ZCCHC7: variants seen among roughly 807,000 people sequenced by gnomAD.
ZCCHC7 encodes zinc finger CCHC-type containing 7.
ZCCHC7 carries 35 observed loss-of-function variants against 52.0 expected under a neutral mutation model. The observed-to-expected ratio is 0.67, with a 90% CI of 0.51 to 0.89. ZCCHC7 has a LOEUF of 0.89. ZCCHC7 is among the 40% of genes least tolerant of loss of function. The pLI, the probability that ZCCHC7 is intolerant of heterozygous loss-of-function variation, is 0.00. For missense variants in ZCCHC7, 574 were observed against 649.1 expected (o/e 0.88, Z 1.26); for synonymous variants, 217 against 221.5 (o/e 0.98, Z 0.18).
intron 1 of ZCCHC7, among the ~76,000 whole-genome samples, chr9:37,124,521 G>C (rs1299795792): frequency 6.6e-6 from 1 of 152,108 alleles, no homozygotes; most frequent in Non-Finnish European, 1.5e-5. Flanking sequence ...TTGTTTAGCA[G>C]AGTGCATATA....
chr9:37,298,449 A>T (rs911907094), intron 2 of ZCCHC7, among the ~76,000 whole-genome samples: 9 of 152,202 alleles, frequency 5.9e-5, no homozygotes, highest in Admixed American at 3.9e-4. Flanking sequence ...GCTTGATTAT[A>T]AAAAAATGAA....
intron 2 of ZCCHC7, chr9:37,186,833 C>A: frequency 2.6e-6 from 1 of 384,298 alleles, no homozygotes; most frequent in South Asian, 7.1e-5. Flanking sequence ...GAATTTGTTT[C>A]TGTGTATCTG....
At chr9:37,131,651 GAAAAAGAAA>G (rs1288618373) in intron 2 of ZCCHC7, among the ~76,000 whole-genome samples, 1 of 151,520 alleles carries the variant, frequency 6.6e-6, no homozygotes, top group Admixed American at 6.6e-5. Context: ...GTCTCAAAAA[GAAAAAGAAA>G]AAAAAGAAAA....
chr9:37,151,244 G>A (rs1175800891), intron 2 of ZCCHC7, among the ~76,000 whole-genome samples: 2 of 152,050 alleles, frequency 1.3e-5, no homozygotes, highest in Non-Finnish European at 2.9e-5. Flanking sequence ...GGGATTACAG[G>A]CGTGAGCCAC....
chr9:37,272,535 T>TACTG (rs1454230826), intron 2 of ZCCHC7, among the ~76,000 whole-genome samples: 2 of 149,962 alleles, frequency 1.3e-5, no homozygotes, highest in Non-Finnish European at 3.0e-5. Flanking sequence ...ACCTGGGCAG[T>TACTG]ACTGCTGACG....
intron 2 of ZCCHC7, among the ~76,000 whole-genome samples, chr9:37,276,338 T>G (rs1033946955): frequency 6.6e-6 from 1 of 152,220 alleles, no homozygotes; most frequent in Non-Finnish European, 1.5e-5. Flanking sequence ...GGTGTTTTTT[T>G]GTTTTATTTT....
intron 2 of ZCCHC7, among the ~76,000 whole-genome samples, chr9:37,191,519 G>A (rs1823021412): frequency 6.6e-6 from 1 of 152,088 alleles, no homozygotes; most frequent in East Asian, 1.9e-4. Flanking sequence ...ATGGTGGATA[G>A]GATTTATGTA....
intron 2 of ZCCHC7, among the ~76,000 whole-genome samples, chr9:37,263,514 C>A (rs757695509): frequency 9.2e-5 from 14 of 152,034 alleles, no homozygotes; most frequent in Non-Finnish European, 1.8e-4. Flanking sequence ...TGTAGTAACT[C>A]AGTATAACTC....
chr9:37,159,271 C>T (rs1167351521), intron 2 of ZCCHC7, among the ~76,000 whole-genome samples: 3 of 152,084 alleles, frequency 2.0e-5, no homozygotes, highest in African/African-American at 7.2e-5. Flanking sequence ...GCTGTGACAA[C>T]ATTTTAATCT....
intron 4 of ZCCHC7, 138 bp downstream of exon 4, chr9:37,304,451 AGACCAT>A: frequency 1.0e-6 from 1 of 981,698 alleles, no homozygotes; most frequent in Non-Finnish European, 1.5e-6. Context: ...CAGGAGATTG[AGACCAT>A]CCTAGCTAAC....
At chr9:37,215,678 G>T (rs1256199331) in intron 2 of ZCCHC7, among the ~76,000 whole-genome samples, 1 of 152,122 alleles carries the variant, frequency 6.6e-6, no homozygotes. Context: ...TCATTCTAAT[G>T]TCTTGCTTCT....
chr9:37,303,180 T>C (rs1394085579), intron 3 of ZCCHC7, among the ~76,000 whole-genome samples: 2 of 152,070 alleles, frequency 1.3e-5, no homozygotes, highest in African/African-American at 2.4e-5. Context: ...ATCCCAACAC[T>C]TTGGGAGGCT....
chr9:37,126,688 T>C lies in ZCCHC7; in HGVS notation c.356T>C (p.Leu119Pro). 1 of 1,614,134 alleles carries C rather than the reference T, an allele frequency of 6.2e-7. No homozygotes were observed. Among genetic ancestry groups the C allele is most frequent in the Non-Finnish European group, 8.5e-7 (1 of 1,180,010 alleles). The stretch of plus-strand genomic sequence containing the variant: ...CAAGCACAAGAAAATGCCCATGGTC[T>C]TTCTTCTTCTCTTCAATCTAATGAG... ...RVQAQENAHG[L>P]SSSLQSNELV... The change falls in exon 2 of 9, where the codon CTT becomes CCT. Residue 119 changes from leucine to proline, a missense_variant. This residue lies in a region of ZCCHC7 where 403 missense variants were observed against 461.2 expected (regional missense o/e 0.87). Coordinates refer to ENST00000336755, the MANE Select transcript of ZCCHC7 (RefSeq NM_032226.3).
intron 5 of ZCCHC7, among the ~76,000 whole-genome samples, chr9:37,318,624 TTGAG>T (rs1375999550): frequency 6.6e-6 from 1 of 151,908 alleles, no homozygotes; most frequent in African/African-American, 2.4e-5. Flanking sequence ...AGAAAAAAGT[TTGAG>T]TGGGCCCTGT....
chr9:37,321,284 G>T (rs1440711307), intron 5 of ZCCHC7, among the ~76,000 whole-genome samples: 2 of 151,814 alleles, frequency 1.3e-5, no homozygotes, highest in African/African-American at 4.8e-5. Context: ...CACCACTCCC[G>T]GCCACCTTTT....
rs1824051873 is a variant in ZCCHC7, at chr9:37,208,709, C to G, written c.610+81767C>G. 2.0e-5 allele frequency among the ~76,000 whole-genome samples: 3 copies of G among 152,196 alleles called. No individual in the cohort carries two copies. In the South Asian group the frequency reaches 6.2e-4, roughly 31 times the overall value. On this transcript the variant is annotated intron_variant, in intron 2 of 8. Transcript: ENST00000336755. The stretch of plus-strand genomic sequence containing the variant: ...CCTGGTTACTTCTTACCCATCTACT[C>G]TGCCATCACTTTGTTCCAATTCACC...
intron 2 of ZCCHC7, among the ~76,000 whole-genome samples, chr9:37,282,428 C>T (rs763365031): frequency 1.3e-4 from 19 of 151,830 alleles, no homozygotes; most frequent in Non-Finnish European, 2.6e-4. Flanking sequence ...CACAGTGAAA[C>T]CCCGTCTCTA....
chr9:37,337,859 T>C (rs536707719), intron 6 of ZCCHC7, among the ~76,000 whole-genome samples: 1 of 152,298 alleles, frequency 6.6e-6, no homozygotes, highest in South Asian at 2.1e-4. Context: ...AGGTAGTCTC[T>C]GGGGATTAAG....
intron 2 of ZCCHC7, among the ~76,000 whole-genome samples, chr9:37,158,668 T>A (rs963876652): frequency 5.9e-5 from 9 of 152,218 alleles, no homozygotes; most frequent in African/African-American, 2.2e-4. Flanking sequence ...TTGACTTTTT[T>A]TTTTAACAAA....
Sources: gnomAD v4.1 joint callset for allele counts (sites outside exome capture counted in the v4.1 genomes callset) on GRCh38, gnomAD v4.1.1 for gene constraint, gnomAD v4.1.1 regional missense constraint, MANE v1.5 for transcripts, NCBI Gene and HGNC (gene_info 2026-07-23, HGNC 2026-07-21) for gene names.